The following HMGA2 variants were observed in gnomAD, a reference collection of about 807,000 sequenced individuals.
HMGA2 encodes the protein high mobility group protein HMGI-C.
HMGA2 carries 8 observed loss-of-function variants against 19.1 expected under a neutral mutation model. The ratio of observed to expected loss-of-function variants is 0.42; its 90% CI spans 0.25 to 0.76. HMGA2 has a LOEUF of 0.76. Ranked by LOEUF, HMGA2 falls within the 30% of genes least tolerant of loss-of-function variation. The probability of loss-of-function intolerance (pLI) is 0.28; values close to 1 mark genes in which losing one functional copy is unlikely to be tolerated. For missense variants in HMGA2, 109 were observed against 136.3 expected (o/e 0.80, Z 1.00); for synonymous variants, 60 against 48.8 (o/e 1.23, Z -0.96).
chr12:65,915,251 T>C (rs2121226265), intron 3 of HMGA2: 7 of 1,549,088 alleles, frequency 4.5e-6, no homozygotes, highest in East Asian at 2.4e-5. Context: ...AGGTGTCTTT[T>C]AGATCATTTC....
At chr12:65,938,761 T>C (rs1875981332) in intron 3 of HMGA2, among the ~76,000 whole-genome samples, 2 of 152,254 alleles carry the variant, frequency 1.3e-5, no homozygotes, top group Admixed American at 6.5e-5. Context: ...GTGATCCTAC[T>C]ACCTCAGCCT....
chr12:65,836,002 A>G (rs1870701372), intron 2 of HMGA2, among the ~76,000 whole-genome samples: 1 of 152,228 alleles, frequency 6.6e-6, no homozygotes, highest in Admixed American at 6.5e-5. Flanking sequence ...ACTATGCAAT[A>G]GCCAAAGGGA....
At chr12:65,833,304 G>T (rs1391183906) in intron 2 of HMGA2, among the ~76,000 whole-genome samples, 2 of 151,962 alleles carry the variant, frequency 1.3e-5, no homozygotes, top group Non-Finnish European at 2.9e-5. Flanking sequence ...TTTAAAAATA[G>T]CAACTGAAGG....
At chr12:65,828,282 A>T in intron 2 of HMGA2, 195 bp downstream of exon 2, 1 of 483,000 alleles carries the variant, frequency 2.1e-6, no homozygotes, top group Non-Finnish European at 3.9e-6. Context: ...TAAAAAGTTT[A>T]TGAAGATACT....
intron 3 of HMGA2, among the ~76,000 whole-genome samples, chr12:65,894,759 C>T (rs1177270767): frequency 6.6e-6 from 1 of 152,138 alleles, no homozygotes; most frequent in African/African-American, 2.4e-5. Context: ...TGGAAGTACA[C>T]CCCAAGGTAG....
At chr12:65,959,859 G>A (rs958389765) in intron 4 of HMGA2, among the ~76,000 whole-genome samples, 4 of 152,094 alleles carry the variant, frequency 2.6e-5, no homozygotes, top group Non-Finnish European at 4.4e-5. Flanking sequence ...AAAAGCTATT[G>A]TCTATAACAC....
intron 2 of HMGA2, among the ~76,000 whole-genome samples, chr12:65,836,839 T>C (rs1384083065): frequency 6.6e-6 from 1 of 152,120 alleles, no homozygotes; most frequent in Middle Eastern, 3.2e-3. Context: ...GGCTACCAGG[T>C]TTTCTTTTGT....
intron 3 of HMGA2, among the ~76,000 whole-genome samples, chr12:65,887,882 A>G (rs1389262074): frequency 6.6e-6 from 1 of 152,062 alleles, no homozygotes; most frequent in Admixed American, 6.5e-5. Context: ...CAAATTAAAA[A>G]AAAAAAAAAG....
At chr12:65,960,763 G>A (rs960845721) in intron 4 of HMGA2, among the ~76,000 whole-genome samples, 48 of 152,162 alleles carry the variant, frequency 3.2e-4, no homozygotes, top group African/African-American at 1.1e-3. Flanking sequence ...AGAATTCTAA[G>A]GTCAGCAGAA....
chr12:65,917,548 T>C (rs1322776721), intron 3 of HMGA2, among the ~76,000 whole-genome samples: 1 of 152,084 alleles, frequency 6.6e-6, no homozygotes, highest in African/African-American at 2.4e-5. Context: ...TATAGAAACA[T>C]GGGCGTTTTC....
At chr12:65,838,616 T>C in intron 3 of HMGA2, 47 bp downstream of exon 3, 1 of 1,354,714 alleles carries the variant, frequency 7.4e-7, no homozygotes, top group Non-Finnish European at 1.0e-6. Context: ...AAGAAAAATT[T>C]CTGTTGTATT....
chr12:65,935,036 C>T (rs760829134), intron 3 of HMGA2: 2 of 152,188 alleles, frequency 1.3e-5, no homozygotes, highest in African/African-American at 2.4e-5. Flanking sequence ...ACCCTGTCAC[C>T]ACAGCTCAAA....
chr12:65,865,946 C>G (rs1872387053), intron 3 of HMGA2, among the ~76,000 whole-genome samples: 1 of 151,804 alleles, frequency 6.6e-6, no homozygotes, highest in South Asian at 2.1e-4. Flanking sequence ...CTAGCCATCC[C>G]CATCTATTTT....
At chr12:65,951,587 A>G (rs1170516680) in intron 4 of HMGA2, 172 bp downstream of exon 4, 5 of 550,318 alleles carry the variant, frequency 9.1e-6, no homozygotes, top group South Asian at 3.1e-5. Flanking sequence ...ATAGTCTGCA[A>G]TCGTACCATG....
At position 65,825,737 on chromosome 12, in the gene HMGA2, T is replaced by C. The variant is rs960005792; in HGVS notation, c.111+356T>C. Among the ~76,000 whole-genome samples the C allele has an allele frequency of 3.3e-5, 5 of 152,124 alleles. No individual in the cohort carries two copies. Among genetic ancestry groups the C allele is most frequent in the African/African-American group, 4.8e-5 (2 of 41,448 alleles). ...CCGACAAACCCGGGCTCGCAGGCGCTTTCCGAGTTGCTTTTGCAACTGCCC... is the reference window on the plus strand; with the variant it reads ...CCGACAAACCCGGGCTCGCAGGCGCCTTCCGAGTTGCTTTTGCAACTGCCC... On this transcript the variant is annotated intron_variant, in intron 1 of 4. Transcript: ENST00000403681. The surrounding 1 kb of genome is among the most constrained non-coding windows in gnomAD (Gnocchi z 4.4).
chr12:65,889,444 A>G lies in HMGA2; in HGVS notation c.249+50875A>G, dbSNP rs116459290. Among the ~76,000 whole-genome samples, 1,089 of 152,346 alleles carry G rather than the reference A, an allele frequency of 7.1e-3. 12 individuals carry two copies. Among genetic ancestry groups the G allele is most frequent in the African/African-American group, 0.025 (1,034 of 41,566 alleles). On this transcript the variant is annotated intron_variant, in intron 3 of 4. Transcript: ENST00000403681. ...AATATATTGTAAATACATATCTAAT[A>G]GGTAAATATACGTGTATATGTATAT...
chr12:65,881,974 A>T (rs1041740085), intron 3 of HMGA2: 7 of 698,222 alleles, frequency 1.0e-5, no homozygotes, highest in Non-Finnish European at 1.6e-5. Flanking sequence ...TTTGCAGCTG[A>T]ACGTCTCCAT....
intron 3 of HMGA2, among the ~76,000 whole-genome samples, chr12:65,891,601 A>G (rs1430265354): frequency 1.3e-5 from 2 of 152,192 alleles, no homozygotes; most frequent in Non-Finnish European, 2.9e-5. Flanking sequence ...GCTGGTTAAG[A>G]GTCGCGTAAA....
chr12:65,836,388 C>T (rs1870728967), intron 2 of HMGA2, among the ~76,000 whole-genome samples: 1 of 151,886 alleles, frequency 6.6e-6, no homozygotes, highest in Non-Finnish European at 1.5e-5. Context: ...AAGAAAAACT[C>T]CCTTTAAGGG....
Sources: allele counts gnomAD v4.1 joint callset (sites outside exome capture counted in the v4.1 genomes callset), GRCh38; gene constraint gnomAD v4.1.1; non-coding constraint Gnocchi (gnomAD v3.1); transcripts MANE v1.5; gene names NCBI Gene and HGNC (gene_info 2026-07-23, HGNC 2026-07-21).